The following CSMD1 variants were observed in gnomAD, a reference collection of about 807,000 sequenced individuals.
CSMD1 encodes the protein CUB and sushi domain-containing protein 1.
CSMD1 carries 213 observed loss-of-function variants against 417.5 expected under a neutral mutation model. That is an observed-to-expected ratio of 0.51 (90% CI 0.46 to 0.57). The LOEUF is 0.57. Among genes scored for constraint, CSMD1 ranks in the 20% least tolerant of loss-of-function variants. The pLI, the probability that CSMD1 is intolerant of heterozygous loss-of-function variation, is 0.00. For missense variants in CSMD1, 6,923 were observed against 4,529.7 expected, an observed-to-expected ratio of 1.53 and a Z score of -15.17; for synonymous variants, 2,862 against 1,736.8, an observed-to-expected ratio of 1.65 and a Z score of -16.11.
chr8:4,747,166 G>A (rs1200973697), intron 1 of CSMD1, among the ~76,000 whole-genome samples: 1 of 152,096 alleles, frequency 6.6e-6, no homozygotes, highest in East Asian at 1.9e-4. Context: ...ACTTATAGGG[G>A]GAGAGGAAAG....
intron 2 of CSMD1, among the ~76,000 whole-genome samples, chr8:4,454,741 C>A (rs777033536): frequency 6.6e-6 from 1 of 152,264 alleles, no homozygotes; most frequent in Non-Finnish European, 1.5e-5. Flanking sequence ...AAACTATACT[C>A]GTTTAGAAAG....
At chr8:3,303,113 C>G (rs944427726) in intron 25 of CSMD1, among the ~76,000 whole-genome samples, 10 of 152,134 alleles carry the variant, frequency 6.6e-5, no homozygotes, top group African/African-American at 1.9e-4. Flanking sequence ...AGGGAAGGGT[C>G]TATAGTGATG....
chr8:3,357,770 T>TG, intron 21 of CSMD1, among the ~76,000 whole-genome samples: 1 of 147,792 alleles, frequency 6.8e-6, no homozygotes, highest in Non-Finnish European at 1.5e-5. Flanking sequence ...AATACCGTAT[T>TG]TTTTTTCTTG....
chr8:3,263,110 AT>A (rs1240476962), intron 26 of CSMD1, among the ~76,000 whole-genome samples: 1 of 151,774 alleles, frequency 6.6e-6, no homozygotes, highest in Non-Finnish European at 1.5e-5. Context: ...ATCAACTGTT[AT>A]TTTTTTTCAG....
chr8:4,177,959 G>A (rs116931808), intron 3 of CSMD1, among the ~76,000 whole-genome samples: 1 of 152,098 alleles, frequency 6.6e-6, no homozygotes, highest in Non-Finnish European at 1.5e-5. Context: ...ACCAAAAAGA[G>A]TCCAGGATCA....
chr8:2,956,777 T>C (rs1442150008), intron 63 of CSMD1, among the ~76,000 whole-genome samples: 1 of 152,158 alleles, frequency 6.6e-6, no homozygotes, highest in Admixed American at 6.5e-5. Context: ...TCTAAAATTG[T>C]GCATGCAGTT....
chr8:3,587,835 C>CT (rs1013570704), intron 8 of CSMD1, among the ~76,000 whole-genome samples: 3 of 152,018 alleles, frequency 2.0e-5, no homozygotes, highest in Non-Finnish European at 4.4e-5. Flanking sequence ...CTAGGAAGTT[C>CT]TTTTTTTCAC....
chr8:4,390,868 C>A (rs9773692), intron 3 of CSMD1, among the ~76,000 whole-genome samples: 121,648 of 152,042 alleles, frequency 0.8, 49,289 homozygotes, highest in African/African-American at 0.93. Flanking sequence ...AGGTGTACCT[C>A]ACATGTTTCA....
At chr8:3,154,510 T>G (rs1218013230) in intron 39 of CSMD1, among the ~76,000 whole-genome samples, 2 of 152,168 alleles carry the variant, frequency 1.3e-5, no homozygotes, top group African/African-American at 4.8e-5. Flanking sequence ...TTTACTGGAT[T>G]TATACATCTT....
rs115909807 is a variant in CSMD1, at chr8:3,614,076, G to A, written c.1097+2634C>T. On this transcript the variant is annotated intron_variant, in intron 8 of 69. Coordinates refer to ENST00000635120, the MANE Select transcript of CSMD1 (RefSeq NM_033225.6). Reference sequence around the variant, plus strand: ...GCTTGTCTCTGTTATGTATATATTCGTATACACATACACACACCATAGACG... The same window carrying A: ...GCTTGTCTCTGTTATGTATATATTCATATACACATACACACACCATAGACG... 9.3e-3 allele frequency among the ~76,000 whole-genome samples: 1,414 copies of A among 151,936 alleles called. 30 individuals carry two copies. Among genetic ancestry groups the A allele is most frequent in the African/African-American group, 0.033 (1,354 of 41,454 alleles).
intron 26 of CSMD1, among the ~76,000 whole-genome samples, chr8:3,271,149 G>C (rs888687808): frequency 2.6e-4 from 36 of 140,258 alleles, no homozygotes; most frequent in Admixed American, 1.7e-3. Context: ...TCATTGTTCA[G>C]TTCCCACCTT....
intron 2 of CSMD1, among the ~76,000 whole-genome samples, chr8:4,548,857 C>T (rs73182983): frequency 0.082 from 12,456 of 152,100 alleles, 639 homozygotes; most frequent in South Asian, 0.13. Context: ...ATGTGATGCG[C>T]GCAGGAGGTA....
At chr8:3,938,070 A>T (rs1186830251) in intron 5 of CSMD1, among the ~76,000 whole-genome samples, 1 of 152,168 alleles carries the variant, frequency 6.6e-6, no homozygotes, top group Non-Finnish European at 1.5e-5. Flanking sequence ...TATTCTGGGG[A>T]TTACACAGGA....
At chr8:4,130,770 C>T (rs1229086330) in intron 3 of CSMD1, among the ~76,000 whole-genome samples, 1 of 151,790 alleles carries the variant, frequency 6.6e-6, no homozygotes, top group Admixed American at 6.6e-5. Flanking sequence ...TAACATTTTT[C>T]TTTGTAACAA....
At chr8:4,099,353 A>C (rs1344315998) in intron 3 of CSMD1, among the ~76,000 whole-genome samples, 1 of 152,080 alleles carries the variant, frequency 6.6e-6, no homozygotes, top group Non-Finnish European at 1.5e-5. Context: ...ACATCTGTTC[A>C]GTCATAAAAT....
At chr8:3,713,349 T>C (rs567824651) in intron 6 of CSMD1, among the ~76,000 whole-genome samples, 2 of 152,308 alleles carry the variant, frequency 1.3e-5, no homozygotes, top group African/African-American at 4.8e-5. Flanking sequence ...TGGATTCTTA[T>C]TACTGTTTTT....
chr8:3,395,462 C>T (rs1463044128), intron 17 of CSMD1, among the ~76,000 whole-genome samples: 1 of 152,072 alleles, frequency 6.6e-6, no homozygotes, highest in Non-Finnish European at 1.5e-5. Context: ...AGTATATTTG[C>T]ATAAATATTA....
rs766571961 is a variant in CSMD1, at chr8:3,087,290, G to T, written c.7286-5C>A. 19 of 1,612,650 alleles carry T rather than the reference G, an allele frequency of 1.2e-5. No homozygotes were observed. Among genetic ancestry groups the T allele is most frequent in the Non-Finnish European group, 1.6e-5 (19 of 1,178,846 alleles). On this transcript the variant is annotated splice_polypyrimidine_tract_variant and splice_region_variant and intron_variant, in intron 48 of 69. Coordinates refer to ENST00000635120, the MANE Select transcript of CSMD1 (RefSeq NM_033225.6). ...GGGTCAAACTGCAGTAAGGTGCTGT[G>T]GGCAGACAGACACACACAGAAATAA...
At chr8:3,626,192 T>G (rs529633651) in intron 7 of CSMD1, among the ~76,000 whole-genome samples, 238 of 152,258 alleles carry the variant, frequency 1.6e-3, no homozygotes, top group Non-Finnish European at 2.6e-3. Flanking sequence ...CTCCCGCAAA[T>G]GCAGAGTGAC....
Sources: allele counts gnomAD v4.1 joint callset (sites outside exome capture counted in the v4.1 genomes callset), GRCh38; gene constraint gnomAD v4.1.1; transcripts MANE v1.5; gene names NCBI Gene and HGNC (gene_info 2026-07-23, HGNC 2026-07-21).